Variants in TRMT2A observed in about 807,000 individuals in gnomAD.
TRMT2A encodes tRNA (uracil-5-)-methyltransferase homolog A.
In TRMT2A, 60 loss-of-function variants were observed where a neutral mutation model predicts 59.3. That is an observed-to-expected ratio of 1.01 (90% CI 0.82 to 1.26). TRMT2A has a LOEUF of 1.26. Among genes scored for constraint, TRMT2A ranks in the 50% most tolerant of loss-of-function variants. The pLI, the probability that TRMT2A is intolerant of heterozygous loss-of-function variation, is 0.00. For missense variants in TRMT2A, 863 were observed against 845.2 expected, an observed-to-expected ratio of 1.02 and a Z score of -0.26; for synonymous variants, 403 against 353.7, an observed-to-expected ratio of 1.14 and a Z score of -1.56.
In TRMT2A at chr22:20,113,417, G is replaced by A. The variant is rs199501172; in HGVS notation, c.1432+15C>T. ...TGCCCCCATCCCCACCCCCACCCACGGCCTTGCCACTCACCATTGTCCTGG... is the reference window on the plus strand; with the variant it reads ...TGCCCCCATCCCCACCCCCACCCACAGCCTTGCCACTCACCATTGTCCTGG... On this transcript the variant is annotated intron_variant, in intron 9 of 11. Transcript: ENST00000252136. 14 of 601,328 alleles carry A rather than the reference G, an allele frequency of 2.3e-5. No homozygotes were observed. Among genetic ancestry groups the A allele is most frequent in the Middle Eastern group, 3.3e-4 (1 of 3,028 alleles). 37.2% of individuals were successfully genotyped at this position (601,328 alleles called of 1,614,324 possible). A position where few individuals can be genotyped will look rare whatever the true frequency, so the allele number is the denominator to read the frequency against.
rs997413109 is a variant in TRMT2A at position 20,116,968 on chromosome 22, T to A, written c.-62A>T. The A allele has an allele frequency of 1.5e-4, 229 of 1,557,978 alleles. No homozygotes were observed. The highest frequency in any genetic ancestry group is 1.9e-4 in the Non-Finnish European group (213 of 1,150,204). ...TGGGGGCCGCCTGGCCACCTCGTCC[T>A]GGGCCTGTCACAAGGGAAGTGGCCT... is the stretch of plus-strand genomic sequence containing the variant. On this transcript the variant is annotated 5_prime_UTR_variant, in exon 1 of 12. Transcript: ENST00000252136.
chr22:20,116,365 C>T lies in TRMT2A; in HGVS notation c.272G>A (p.Arg91His), dbSNP rs1231362870. The T allele has an allele frequency of 5.0e-6, 8 of 1,612,440 alleles. No homozygotes were observed. The highest frequency in any genetic ancestry group is 5.9e-6 in the Non-Finnish European group (7 of 1,179,540). Residue 91 changes from arginine (R) to histidine (H), a missense_variant, in exon 2 of 12, where the codon CGC becomes CAC. By Grantham distance (29) the Arg-to-His change is conservative (BLOSUM62 0). Transcript: ENST00000252136. Reference protein sequence around the residue: ...PRHASFSDVRRFLGRFGLQPH... With the variant: ...PRHASFSDVRHFLGRFGLQPH... ...CTGCAGACCAAAGCGGCCCAGGAAG[C>T]GCCGGACGTCGCTGAAGCTGGCGTG...
chr22:20,116,701 G>C (rs1318807213), intron 1 of TRMT2A, 89 bp from the exon 2 acceptor site: 9 of 1,462,364 alleles, frequency 6.2e-6, no homozygotes, highest in Non-Finnish European at 8.2e-6. Flanking sequence ...CCAGACCTCC[G>C]TCGGTGCACT....
In TRMT2A at chr22:20,113,856, G is replaced by T. The variant is rs754734863; in HGVS notation, c.1234-48C>A. ...ATGTCAGTGGCTCCTCTCCTGTGGT[G>T]CCACTGGTGCCCCGACGCCCACATT... On this transcript the variant is annotated intron_variant, in intron 7 of 11. Coordinates refer to ENST00000252136, the MANE Select transcript of TRMT2A (RefSeq NM_022727.6). The T allele has an allele frequency of 2.0e-6, 3 of 1,506,826 alleles. No individual in the cohort carries two copies. In the South Asian group the frequency reaches 3.9e-5, roughly 20 times the overall value. The allele number at this position is 1,506,826 out of a possible 1,614,324, so 93.3% of individuals were successfully genotyped here.
Position 20,115,248 on chromosome 22 carries a change from C to A in TRMT2A, c.890+18G>T, listed in dbSNP as rs746751495. ...ACACCGCATAGGACTTCCCGGGAGC[C>A]CCGTCACAGGTCCTCACCGGATGAA... On this transcript the variant is annotated intron_variant, in intron 4 of 11. Transcript: ENST00000252136. 2.5e-6 allele frequency: 4 copies of A among 1,603,256 alleles called. No individual in the cohort carries two copies. The South Asian group carries it at 3.3e-5, about 13-fold the overall frequency.
In TRMT2A at chr22:20,112,922, G is replaced by A. The variant is rs774014128; in HGVS notation, c.1635C>T (p.Gly545=). The A allele has an allele frequency of 6.2e-7, 1 of 1,613,768 alleles. No individual in the cohort carries two copies. Among genetic ancestry groups the A allele is most frequent in the South Asian group, 1.1e-5 (1 of 91,086 alleles). The part of the protein sequence containing the change: ...YVSCNPRAAM[G]NFVDLCRAPS... The stretch of plus-strand genomic sequence containing the variant: ...CTGCAGACACTCACTCCACAAAGTT[G>A]CCCATGGCTGCCCGGGGGTTGCATG... Residue 545 remains glycine (G), a synonymous_variant, in exon 11 of 12, where the codon GGC becomes GGT. Transcript: ENST00000252136.
intron 4 of TRMT2A, 49 bp from the exon 5 acceptor site, chr22:20,115,128 C>G (rs1351301340): frequency 5.8e-6 from 9 of 1,560,938 alleles, no homozygotes; most frequent in Middle Eastern, 2.1e-4. Context: ...GGCAAGCAGT[C>G]CCCCTGCTCT....
Position 20,114,803 on chromosome 22 carries a change from G to T in TRMT2A, c.1079C>A (p.Ala360Asp). The change falls in exon 6 of 12, where the codon GCC becomes GAC. Residue 360 changes from alanine (A) to aspartate (D), a missense_variant. Ala to Asp is a moderately radical substitution (Grantham distance 126). Transcript: ENST00000252136. ...GAAGTAGAGGCAGGTCACTCCACTG[G>T]CCCTGCCTGGCCCTGCTGTGAAGTG... The part of the protein sequence containing the change: ...AQHFTAGPGR[A>D]SGVTCLYFVE... 6.2e-7 allele frequency: 1 copy of T among 1,609,540 alleles called. No homozygotes were observed.
At position 20,116,369 on chromosome 22, in the gene TRMT2A, G is replaced by T. The variant is rs150008185; in HGVS notation, c.268C>A (p.Arg90=). Residue 90 remains arginine, a synonymous_variant, in exon 2 of 12, where the codon CGG becomes AGG. Coordinates refer to ENST00000252136, the MANE Select transcript of TRMT2A (RefSeq NM_022727.6). Reference sequence around the variant, plus strand: ...AGACCAAAGCGGCCCAGGAAGCGCCGGACGTCGCTGAAGCTGGCGTGGCGA... The same window carrying T: ...AGACCAAAGCGGCCCAGGAAGCGCCTGACGTCGCTGAAGCTGGCGTGGCGA... The part of the protein sequence containing the change: ...VPRHASFSDV[R]RFLGRFGLQP... 8 of 1,612,328 alleles carry T rather than the reference G, an allele frequency of 5.0e-6. No individual in the cohort carries two copies. The African/African-American group carries it at 9.3e-5, about 19-fold the overall frequency.
chr22:20,112,156 T>C lies in TRMT2A; in HGVS notation c.*407A>G, dbSNP rs2049864360. The C allele has an allele frequency of 5.2e-6, 1 of 192,630 alleles. No individual in the cohort carries two copies. Among genetic ancestry groups the C allele is most frequent in the African/African-American group, 2.3e-5 (1 of 42,782 alleles). 11.9% of individuals were successfully genotyped at this position (192,630 alleles called of 1,614,324 possible). A position where few individuals can be genotyped will look rare whatever the true frequency, so the allele number is the denominator to read the frequency against. On this transcript the variant is annotated 3_prime_UTR_variant, in exon 12 of 12. Transcript: ENST00000252136. ...CCTCTCCTCAAGTTTAAGTATCAAA[T>C]CGAACATTCTTTTTTAAAGTAAGCT...
chr22:20,117,166 G>C lies in TRMT2A; in HGVS notation c.-260C>G. 1 of 548,008 alleles carries C rather than the reference G, an allele frequency of 1.8e-6. No individual in the cohort carries two copies. The highest frequency in any genetic ancestry group is 3.1e-6 in the Non-Finnish European group (1 of 327,516). The allele number at this position is 548,008 out of a possible 1,614,324, so 33.9% of individuals were successfully genotyped here. On this transcript the variant is annotated 5_prime_UTR_variant, in exon 1 of 12. Coordinates refer to ENST00000252136, the MANE Select transcript of TRMT2A (RefSeq NM_022727.6). ...CGCCCGCCAGGGGCCCGCGCCGGCC[G>C]CTCGCTTCGCCAGCCACTCTTAGTC...
At position 20,113,822 on chromosome 22, in the gene TRMT2A, G is replaced by T; in HGVS notation, c.1234-14C>A. On this transcript the variant is annotated splice_polypyrimidine_tract_variant and intron_variant, in intron 7 of 11. Coordinates refer to ENST00000252136, the MANE Select transcript of TRMT2A (RefSeq NM_022727.6). ...GGGTGTGTTCACCTGGGGGCAGGCG[G>T]TGCCCAGGATGTCAGTGGCTCCTCT... The T allele has an allele frequency of 6.5e-7, 1 of 1,544,660 alleles. No individual in the cohort carries two copies. Among genetic ancestry groups the T allele is most frequent in the Non-Finnish European group, 8.7e-7 (1 of 1,143,380 alleles).
In TRMT2A at chr22:20,113,716, G is replaced by A. The variant is rs1184286554; in HGVS notation, c.1326C>T (p.Gly442=). The A allele has an allele frequency of 1.2e-6, 2 of 1,604,684 alleles. No homozygotes were observed. Among genetic ancestry groups the A allele is most frequent in the Non-Finnish European group, 1.7e-6 (2 of 1,176,140 alleles). Residue 442 remains glycine, a synonymous_variant, in exon 8 of 12, where the codon GGC becomes GGT. Transcript: ENST00000252136. ...AGSMVLDVCC[G]TGTIGLALAR... is the part of the protein sequence containing the mutation. ...CCAGGGCCAGGCCAATGGTGCCGGT[G>A]CCACAGCACACGTCCAGCACCATGC...
At position 20,117,005 on chromosome 22, in the gene TRMT2A, A is replaced by G; in HGVS notation, c.-99T>C. ...AAGGGAAGTGGCCTGTCACAAGGGA[A>G]GTGCTCAGAGGGGAGGTGCTCACAG... On this transcript the variant is annotated 5_prime_UTR_variant, in exon 1 of 12. Coordinates refer to ENST00000252136, the MANE Select transcript of TRMT2A (RefSeq NM_022727.6). 3 of 1,469,326 alleles carry G rather than the reference A, an allele frequency of 2.0e-6. No individual in the cohort carries two copies. The highest frequency in any genetic ancestry group is 2.8e-6 in the Non-Finnish European group (3 of 1,075,946). The allele number at this position is 1,469,326 out of a possible 1,614,324, so 91.0% of individuals were successfully genotyped here.
rs781748762 is a variant in TRMT2A at position 20,114,620 on chromosome 22, T to A, written c.1187A>T (p.Asp396Val). Reference sequence around the variant, plus strand: ...GATCCGGAAGGTCAGCCCTAGCAGGTCCTCGTGGATGCACCGGTCCCCAGC... The same window carrying A: ...GATCCGGAAGGTCAGCCCTAGCAGGACCTCGTGGATGCACCGGTCCCCAGC... The part of the protein sequence containing the change: ...HVAGDRCIHE[D>V]LLGLTFRISP... The change falls in exon 7 of 12, where the codon GAC becomes GTC. Residue 396 changes from aspartate to valine, a missense_variant. Asp to Val is a radical substitution (Grantham distance 152, BLOSUM62 -3). Coordinates refer to ENST00000252136, the MANE Select transcript of TRMT2A (RefSeq NM_022727.6). The A allele has an allele frequency of 6.2e-7, 1 of 1,613,708 alleles. No individual in the cohort carries two copies. Among genetic ancestry groups the A allele is most frequent in the South Asian group, 1.1e-5 (1 of 91,074 alleles).
chr22:20,115,493 G>GCTC, intron 3 of TRMT2A, 46 bp from the exon 4 acceptor site: 2 of 1,583,762 alleles, frequency 1.3e-6, no homozygotes, highest in Non-Finnish European at 1.7e-6. Context: ...CCCAGCGCTT[G>GCTC]GGCCTGGAAA....
Position 20,113,503 on chromosome 22 carries a change from A to G in TRMT2A, c.1361T>C (p.Val454Ala), listed in dbSNP as rs749447752. The G allele has an allele frequency of 1.3e-5, 21 of 1,612,644 alleles. No individual in the cohort carries two copies. Among genetic ancestry groups the G allele is most frequent in the Non-Finnish European group, 1.7e-5 (20 of 1,179,788 alleles). The change falls in exon 9 of 12, where the codon GTA becomes GCA. Residue 454 changes from valine to alanine, a missense_variant. Physicochemically the swap from Val to Ala is moderately conservative, Grantham distance 64. Coordinates refer to ENST00000252136, the MANE Select transcript of TRMT2A (RefSeq NM_022727.6). ...GTIGLALARKVKRVIGVELCP... is the reference protein window; with the variant it reads ...GTIGLALARKAKRVIGVELCP... ...TAGCTCGACCCCAATGACCCTCTTT[A>G]CCTTCTGAAACAGGAAAGCGTGGTG...
rs1185676255 is a variant in TRMT2A, at chr22:20,114,979, A to G, written c.991T>C (p.Tyr331His). The G allele has an allele frequency of 6.3e-7, 1 of 1,594,792 alleles. No individual in the cohort carries two copies. ...CCCGTTGAGACCTGGGGGTGGAAGT[A>G]GGCAATGGCCATGGCCTGGTGGCGG... is the stretch of plus-strand genomic sequence containing the variant. ...SRRHQAMAIA[Y>H]FHPQKLSPEE... The change falls in exon 5 of 12, where the codon TAC becomes CAC. Residue 331 changes from tyrosine to histidine, a missense_variant. Coordinates refer to ENST00000252136, the MANE Select transcript of TRMT2A (RefSeq NM_022727.6).
rs2049968392 is a variant in TRMT2A at position 20,115,066 on chromosome 22, A to C, written c.904T>G (p.Ser302Ala). The change falls in exon 5 of 12, where the codon TCG becomes GCG. Residue 302 changes from serine (S) to alanine (A), a missense_variant. Physicochemically the swap from Ser to Ala is moderately conservative, Grantham distance 99. Transcript: ENST00000252136. ...GTGTACGTCTCTGGGTCGTATGCCG[A>C]GTATGGAGTGGACCTGTGGGAATCA... ...FQEFIRSTPY[S>A]AYDPETYTGH... The C allele has an allele frequency of 6.3e-7, 1 of 1,592,300 alleles. No individual in the cohort carries two copies. Among genetic ancestry groups the C allele is most frequent in the Non-Finnish European group, 8.5e-7 (1 of 1,174,310 alleles).
Sources: gnomAD v4.1 joint callset for allele counts on GRCh38, gnomAD v4.1.1 for gene constraint, MANE v1.5 for transcripts, NCBI Gene and HGNC (gene_info 2026-07-23, HGNC 2026-07-21) for gene names.